Variants in GET1 observed in about 807,000 individuals in gnomAD.
GET1 encodes congenital heart disease 5 protein.
A neutral mutation model predicts 22.6 loss-of-function variants in GET1; 20 were observed. That is an observed-to-expected ratio of 0.89 (90% CI 0.62 to 1.29). The LOEUF is 1.29. Ranked by LOEUF, GET1 falls within the 50% of genes most tolerant of loss-of-function variation. The pLI is 0.00. For missense variants in GET1, 209 were observed against 219.9 expected (o/e 0.95, Z 0.31); for synonymous variants, 92 against 83.8 (o/e 1.10, Z -0.53).
downstream of GET1, among the ~76,000 whole-genome samples, chr21:39,406,988 A>T (rs1328625749): frequency 1.3e-5 from 2 of 152,206 alleles, no homozygotes; most frequent in Non-Finnish European, 1.5e-5. Context: ...GCACTTTGGG[A>T]GGCTGAGGCA....
chr21:39,381,585 T>C (rs1473946298), intron 1 of GET1, among the ~76,000 whole-genome samples: 2 of 152,350 alleles, frequency 1.3e-5, no homozygotes, highest in East Asian at 3.9e-4. Context: ...TTTAAGATGA[T>C]GTCTCAGGCA....
At chr21:39,388,830 A>C (rs966557500) in intron 1 of GET1, among the ~76,000 whole-genome samples, 5 of 151,780 alleles carry the variant, frequency 3.3e-5, no homozygotes, top group Admixed American at 1.3e-4. Flanking sequence ...CGTTCCCTGG[A>C]GAGTGGACGG....
rs966903998 is a variant in GET1, at chr21:39,406,107, G to C, written c.*123G>C. On this transcript the variant is annotated 3_prime_UTR_variant, in exon 5 of 5. Transcript: ENST00000415847. The stretch of plus-strand genomic sequence containing the variant: ...ATCCAAAGAGTTCTTCCATGAGACT[G>C]CTTTTCTTATCTCTGAAAGTTGTAT... The C allele has an allele frequency of 1.7e-5, 28 of 1,614,064 alleles. No homozygotes were observed. The African/African-American group carries it at 3.1e-4, about 18-fold the overall frequency.
At chr21:39,411,894 C>G (rs765199878) in intron 1 of GET1, 18 of 670,392 alleles carry the variant, frequency 2.7e-5, no homozygotes, top group Non-Finnish European at 4.4e-5. Context: ...GCTCAGTATC[C>G]TATGAATAAA....
downstream of GET1, among the ~76,000 whole-genome samples, chr21:39,409,204 C>T (rs1026271356): frequency 1.3e-5 from 2 of 152,150 alleles, no homozygotes; most frequent in African/African-American, 4.8e-5. This position sits in a 1 kb window ranked among gnomAD's most constrained non-coding sequence, Gnocchi z 4.2. Context: ...GGAAACGCCA[C>T]ATGAAGACAT....
At chr21:39,410,576 G>A (rs1056560894), downstream of GET1, among the ~76,000 whole-genome samples, 2 of 152,116 alleles carry the variant, frequency 1.3e-5, no homozygotes, top group African/African-American at 4.8e-5. Context: ...CAGTGTTTGA[G>A]TATAAAACAA....
chr21:39,383,267 ATTAT>A (rs907232840), intron 1 of GET1, among the ~76,000 whole-genome samples: 1 of 85,638 alleles, frequency 1.2e-5, no homozygotes, highest in Non-Finnish European at 2.5e-5. Context: ...TTTTTTTTTT[ATTAT>A]TTATTTTATT....
At chr21:39,404,279 C>T (rs1276608391) in intron 4 of GET1, among the ~76,000 whole-genome samples, 1 of 152,096 alleles carries the variant, frequency 6.6e-6, no homozygotes, top group Non-Finnish European at 1.5e-5. Flanking sequence ...CCAGCAGGGC[C>T]ATGGTACTGT....
downstream of GET1, among the ~76,000 whole-genome samples, chr21:39,402,387 G>C (rs542852767): frequency 9.2e-5 from 14 of 152,316 alleles, no homozygotes; most frequent in African/African-American, 3.4e-4. Context: ...TTACAGTCTT[G>C]AGCCACCTGT....
intron 3 of GET1, chr21:39,392,952 C>T (rs1055550946): frequency 2.9e-5 from 15 of 519,862 alleles, no homozygotes; most frequent in Admixed American, 6.6e-5. Flanking sequence ...CTGCTGAGCT[C>T]GTCTTTAATT....
Position 39,417,788 on chromosome 21 carries a change from T to C in GET1, c.*23+6851T>C, listed in dbSNP as rs189904289. Among the ~76,000 whole-genome samples the C allele has an allele frequency of 1.1e-3, 166 of 152,060 alleles. 1 individual carries two copies. In the East Asian group the frequency reaches 0.021, roughly 19 times the overall value. ...TTTAATTTTTAATTTTTTTTTGAGA[T>C]GGAGTCTCGCTCTGTCGCCCAGGCT... On this transcript the variant is annotated intron_variant, in intron 1 of 1. Transcript: ENST00000478273.
intron 4 of GET1, among the ~76,000 whole-genome samples, chr21:39,405,161 T>G (rs1190161784): frequency 6.6e-6 from 1 of 152,076 alleles, no homozygotes; most frequent in Non-Finnish European, 1.5e-5. Flanking sequence ...AAAAGAGTCT[T>G]TTGATCATAT....
downstream of GET1, chr21:39,397,916 T>TCACTAG (rs1491095356): frequency 1.3e-5 from 2 of 152,198 alleles, no homozygotes; most frequent in Non-Finnish European, 2.9e-5. Flanking sequence ...ATTTGTACTC[T>TCACTAG]TTTGTTTCCT....
At chr21:39,425,088 G>A (rs1327831685) in intron 1 of GET1, among the ~76,000 whole-genome samples, 4 of 152,204 alleles carry the variant, frequency 2.6e-5, no homozygotes, top group South Asian at 2.1e-4. Flanking sequence ...TATATGTGGT[G>A]TGCAAGTGTA....
chr21:39,387,791 C>A (rs1360499345), intron 1 of GET1: 2 of 985,010 alleles, frequency 2.0e-6, no homozygotes, highest in Non-Finnish European at 2.4e-6. Context: ...AGGCGACTGG[C>A]GGGTCGCGGC....
chr21:39,384,949 C>T (rs1416810400), intron 1 of GET1, among the ~76,000 whole-genome samples: 2 of 152,126 alleles, frequency 1.3e-5, no homozygotes, highest in East Asian at 1.9e-4. Context: ...AGAGTACACC[C>T]ACCCTGTAAT....
At chr21:39,399,569 C>T (rs953553528), downstream of GET1, among the ~76,000 whole-genome samples, 4 of 151,988 alleles carry the variant, frequency 2.6e-5, no homozygotes, top group African/African-American at 2.4e-5. Context: ...CTCAGCCTCC[C>T]GAGTAGCTGG....
At chr21:39,394,027 TAGCTATCAATTAAAAATCCC>T (rs1229966433) in intron 4 of GET1, among the ~76,000 whole-genome samples, 1 of 152,202 alleles carries the variant, frequency 6.6e-6, no homozygotes, top group Non-Finnish European at 1.5e-5. Context: ...ATTAGAAATA[TAGCTATCAATTAAAAATCCC>T]AGCTGGGTGC....
At chr21:39,387,733 C>A in intron 1 of GET1, 1 of 971,874 alleles carries the variant, frequency 1.0e-6, no homozygotes, top group Non-Finnish European at 1.2e-6. Context: ...CGCTGGTAGG[C>A]GGCATCACTG....
Sources: gnomAD v4.1 joint callset for allele counts (sites outside exome capture counted in the v4.1 genomes callset) on GRCh38, gnomAD v4.1.1 for gene constraint, Gnocchi (gnomAD v3.1) non-coding constraint, MANE v1.5 for transcripts, NCBI Gene and HGNC (gene_info 2026-07-23, HGNC 2026-07-21) for gene names.